Variants in DLC1 observed in about 807,000 individuals in gnomAD.
The protein encoded by DLC1 is rho GTPase-activating protein 7.
A neutral mutation model predicts 140.3 loss-of-function variants in DLC1; 54 were observed. The observed-to-expected ratio is 0.38, with a 90% confidence interval of 0.31 to 0.48. DLC1 has a LOEUF of 0.48. DLC1 is among the 20% of genes least tolerant of loss of function. The pLI is 0.96. For missense variants in DLC1, 2,536 were observed against 1,907.0 expected (o/e 1.33, Z -6.14); for synonymous variants, 986 against 728.1 (o/e 1.35, Z -5.70).
intron 2 of DLC1, among the ~76,000 whole-genome samples, chr8:13,424,270 C>G (rs749966080): frequency 3.9e-5 from 6 of 152,016 alleles, no homozygotes; most frequent in Non-Finnish European, 8.8e-5. Context: ...AGGCCAATCA[C>G]CTGAAGTCAG....
intron 5 of DLC1, among the ~76,000 whole-genome samples, chr8:13,143,850 G>GAGAGAGAGAGAGAGAC (rs1395072506): frequency 4.1e-5 from 6 of 147,754 alleles, no homozygotes; most frequent in Admixed American, 4.0e-4. Context: ...GAGAGAGAGA[G>GAGAGAGAGAGAGAGAC]AGACATAGAC....
In DLC1 at chr8:13,099,909, G is replaced by C; in HGVS notation, c.2428C>G (p.Pro810Ala). The stretch of plus-strand genomic sequence containing the variant: ...AAAGTGCCAGGCTTGTGATCTTCAG[G>C]GATGTAGAACACCGTGTCCTCTGGG... Reference protein sequence around the residue: ...SYPEDTVFYIPEDHKPGTFPK... With the variant: ...SYPEDTVFYIAEDHKPGTFPK... Residue 810 changes from proline to alanine, a missense_variant, in exon 9 of 18, where the codon CCT becomes GCT. Physicochemically the swap from Pro to Ala is conservative, Grantham distance 27. Coordinates refer to ENST00000276297, the MANE Select transcript of DLC1 (RefSeq NM_182643.3). 6.2e-7 allele frequency: 1 copy of C among 1,614,034 alleles called. No individual in the cohort carries two copies. The highest frequency in any genetic ancestry group is 8.5e-7 in the Non-Finnish European group (1 of 1,180,032).
At chr8:13,305,408 A>C in intron 4 of DLC1, 106 bp from the exon 5 acceptor site, 1 of 1,184,712 alleles carries the variant, frequency 8.4e-7, no homozygotes, top group Admixed American at 2.4e-5. Context: ...TTAAATAGAG[A>C]ATGCCAATAG....
intron 2 of DLC1, among the ~76,000 whole-genome samples, chr8:13,489,556 A>G (rs2117156305): frequency 6.9e-6 from 1 of 144,452 alleles, no homozygotes; most frequent in South Asian, 2.3e-4. Context: ...ATTTCTGACA[A>G]TAGATGGAGA....
intron 5 of DLC1, among the ~76,000 whole-genome samples, chr8:13,178,253 C>T (rs956567435): frequency 1.3e-5 from 2 of 152,184 alleles, no homozygotes; most frequent in Non-Finnish European, 2.9e-5. Context: ...AGGCAACCCC[C>T]CAAAAAAACT....
intron 16 of DLC1, among the ~76,000 whole-genome samples, chr8:13,087,103 C>T (rs11988096): frequency 0.43 from 65,676 of 152,058 alleles, 16,559 homozygotes; most frequent in Middle Eastern, 0.61. Flanking sequence ...GATGACACAG[C>T]AAAAAGACCC....
chr8:13,452,116 A>T (rs441923), intron 2 of DLC1, among the ~76,000 whole-genome samples: 1 of 151,752 alleles, frequency 6.6e-6, no homozygotes, highest in East Asian at 1.9e-4. Context: ...TATATAAAAG[A>T]TGCAATAAAA....
chr8:13,242,605 C>T (rs560266765), intron 5 of DLC1, among the ~76,000 whole-genome samples: 2 of 152,152 alleles, frequency 1.3e-5, no homozygotes, highest in East Asian at 3.9e-4. Flanking sequence ...TTTGCCCAGG[C>T]TGATCTTGAA....
At chr8:13,258,095 G>A (rs970348669) in intron 5 of DLC1, among the ~76,000 whole-genome samples, 1 of 152,220 alleles carries the variant, frequency 6.6e-6, no homozygotes, top group Non-Finnish European at 1.5e-5. Context: ...TAGAGTGGCT[G>A]CTATCTCAAC....
At chr8:13,437,960 G>C (rs1353744354) in intron 2 of DLC1, among the ~76,000 whole-genome samples, 1 of 151,236 alleles carries the variant, frequency 6.6e-6, no homozygotes, top group African/African-American at 2.4e-5. Flanking sequence ...AAATTGAGAA[G>C]GTTATAAGGG....
intron 5 of DLC1, among the ~76,000 whole-genome samples, chr8:13,169,901 A>C (rs1023786373): frequency 6.6e-6 from 1 of 151,386 alleles, no homozygotes; most frequent in African/African-American, 2.4e-5. Context: ...CTGTAGTTCC[A>C]GTTAGCTACT....
chr8:13,288,299 A>G (rs1304435768), intron 5 of DLC1, among the ~76,000 whole-genome samples: 1 of 152,156 alleles, frequency 6.6e-6, no homozygotes, highest in Non-Finnish European at 1.5e-5. Flanking sequence ...ATCTCTGCAG[A>G]TGGGGCAATG....
At chr8:13,114,712 G>T (rs1373866100) in intron 6 of DLC1, among the ~76,000 whole-genome samples, 1 of 152,190 alleles carries the variant, frequency 6.6e-6, no homozygotes, top group Non-Finnish European at 1.5e-5. Flanking sequence ...ATTAAGAGAA[G>T]CATAATGTGA....
At chr8:13,390,332 G>A (rs965782822) in intron 4 of DLC1, among the ~76,000 whole-genome samples, 3 of 152,174 alleles carry the variant, frequency 2.0e-5, no homozygotes, top group African/African-American at 7.2e-5. Flanking sequence ...ATTCCATGGT[G>A]TATATGTACC....
chr8:13,155,148 A>G (rs1441009001), intron 5 of DLC1, among the ~76,000 whole-genome samples: 6 of 149,328 alleles, frequency 4.0e-5, no homozygotes, highest in African/African-American at 1.5e-4. Context: ...TTTTTTTTTA[A>G]AGCGAATGTC....
At chr8:13,211,381 C>G (rs892326013) in intron 5 of DLC1, among the ~76,000 whole-genome samples, 1 of 151,996 alleles carries the variant, frequency 6.6e-6, no homozygotes, top group African/African-American at 2.4e-5. Context: ...CTAGGGGTAG[C>G]CCTGCTCTGT....
chr8:13,599,394 C>A (rs1240908355), intron 1 of DLC1, among the ~76,000 whole-genome samples: 4 of 151,818 alleles, frequency 2.6e-5, no homozygotes, highest in Non-Finnish European at 5.9e-5. Context: ...ATCTATGGGA[C>A]ATTTTTAATG....
chr8:13,211,430 G>T (rs1827937985), intron 5 of DLC1, among the ~76,000 whole-genome samples: 1 of 152,104 alleles, frequency 6.6e-6, no homozygotes, highest in South Asian at 2.1e-4. Flanking sequence ...TTGCTCTAAT[G>T]AACTTGCTTT....
intron 2 of DLC1, among the ~76,000 whole-genome samples, chr8:13,474,088 C>T (rs1271451919): frequency 3.9e-5 from 6 of 152,176 alleles, no homozygotes; most frequent in East Asian, 1.9e-4. Context: ...GGCAGCCCCT[C>T]CCATCAATGG....
Sources: allele counts gnomAD v4.1 joint callset (sites outside exome capture counted in the v4.1 genomes callset), GRCh38; gene constraint gnomAD v4.1.1; transcripts MANE v1.5; gene names NCBI Gene and HGNC (gene_info 2026-07-23, HGNC 2026-07-21).